The following DENND5B variants were observed in gnomAD, a reference collection of about 807,000 sequenced individuals.
The protein encoded by DENND5B is DENN domain-containing protein 5B.
DENND5B carries 34 observed loss-of-function variants against 140.6 expected under a neutral mutation model. The observed-to-expected ratio is 0.24, with a 90% CI of 0.18 to 0.32. The LOEUF is 0.32. Among genes scored for constraint, DENND5B ranks in the 10% least tolerant of loss-of-function variants. The pLI, the probability that DENND5B is intolerant of heterozygous loss-of-function variation, is 1.00. For missense variants in DENND5B, 1,142 were observed against 1,560.2 expected (o/e 0.73, Z 4.52); for synonymous variants, 551 against 562.1 (o/e 0.98, Z 0.28).
At chr12:31,435,530 C>A (rs546992560) in intron 7 of DENND5B, among the ~76,000 whole-genome samples, 1 of 152,254 alleles carries the variant, frequency 6.6e-6, no homozygotes, top group East Asian at 1.9e-4. Flanking sequence ...ATGTTAACAT[C>A]TGTTTCTTCA....
intron 1 of DENND5B, among the ~76,000 whole-genome samples, chr12:31,516,334 G>C (rs976582214): frequency 1.3e-4 from 19 of 151,906 alleles, no homozygotes; most frequent in African/African-American, 4.4e-4. Flanking sequence ...AAATTAGACA[G>C]CTGTGGTGGT....
chr12:31,526,803 G>A (rs1948100452), intron 1 of DENND5B, among the ~76,000 whole-genome samples: 1 of 152,204 alleles, frequency 6.6e-6, no homozygotes, highest in Non-Finnish European at 1.5e-5. Context: ...TGGAGAAACT[G>A]GGTGAAGGGT....
chr12:31,514,728 A>G (rs1947558459), intron 1 of DENND5B, among the ~76,000 whole-genome samples: 1 of 152,010 alleles, frequency 6.6e-6, no homozygotes, highest in African/African-American at 2.4e-5. Flanking sequence ...AGGGCAGGAG[A>G]ATCACTTGAA....
intron 1 of DENND5B, among the ~76,000 whole-genome samples, chr12:31,583,488 C>T (rs527382511): frequency 4.6e-5 from 7 of 151,340 alleles, no homozygotes; most frequent in African/African-American, 1.7e-4. Context: ...ACCAGCCTGG[C>T]CAACATGATG....
chr12:31,512,103 G>T (rs1947443965), intron 1 of DENND5B, among the ~76,000 whole-genome samples: 1 of 151,572 alleles, frequency 6.6e-6, no homozygotes, highest in Non-Finnish European at 1.5e-5. Flanking sequence ...TTTTAGTAGA[G>T]ACGGGGTTTC....
chr12:31,546,437 A>G (rs1181955000), intron 1 of DENND5B, among the ~76,000 whole-genome samples: 1 of 152,156 alleles, frequency 6.6e-6, no homozygotes, highest in African/African-American at 2.4e-5. Context: ...CTGTAATCCC[A>G]GCACTCTGGA....
chr12:31,481,187 T>C (rs1421431007), intron 2 of DENND5B, among the ~76,000 whole-genome samples: 1 of 152,228 alleles, frequency 6.6e-6, no homozygotes, highest in African/African-American at 2.4e-5. Flanking sequence ...TAACCATATA[T>C]TATTACTATT....
At chr12:31,572,298 C>T (rs1949853240) in intron 1 of DENND5B, among the ~76,000 whole-genome samples, 1 of 151,924 alleles carries the variant, frequency 6.6e-6, no homozygotes, top group Admixed American at 6.6e-5. Context: ...TTTTATTTAC[C>T]CTCACTCATT....
chr12:31,537,211 C>G (rs1948531624), intron 1 of DENND5B, among the ~76,000 whole-genome samples: 1 of 152,112 alleles, frequency 6.6e-6, no homozygotes, highest in Non-Finnish European at 1.5e-5. Context: ...GTAAATTACT[C>G]TTATTTTAAG....
chr12:31,402,620 T>A lies in DENND5B; in HGVS notation c.2827A>T (p.Ile943Phe), dbSNP rs767691910. ...TIMIPYRSVI[I>F]PIKKLSNAII... ...GCATTGCTCAGCTTTTTGATTGGGATGATCACTGACCTATACGGAATCACT... is the reference window on the plus strand; with the variant it reads ...GCATTGCTCAGCTTTTTGATTGGGAAGATCACTGACCTATACGGAATCACT... Residue 943 changes from isoleucine to phenylalanine, a missense_variant, in exon 15 of 21, where the codon ATC becomes TTC. Physicochemically the swap from Ile to Phe is conservative, Grantham distance 21 (BLOSUM62 0). Transcript: ENST00000389082. 4 of 1,613,720 alleles carry A rather than the reference T, an allele frequency of 2.5e-6. No homozygotes were observed. Among genetic ancestry groups the A allele is most frequent in the Non-Finnish European group, 3.4e-6 (4 of 1,179,760 alleles).
intron 1 of DENND5B, among the ~76,000 whole-genome samples, chr12:31,503,115 G>A (rs1333734192): frequency 1.3e-5 from 2 of 152,200 alleles, no homozygotes; most frequent in Non-Finnish European, 2.9e-5. Context: ...AAGAATTCAA[G>A]AAGGAGACCT....
intron 1 of DENND5B, among the ~76,000 whole-genome samples, chr12:31,589,009 A>G (rs1229837438): frequency 6.6e-6 from 1 of 152,232 alleles, no homozygotes; most frequent in Non-Finnish European, 1.5e-5. Flanking sequence ...AGTCTAATTG[A>G]TGGTTTTGTT....
intron 1 of DENND5B, among the ~76,000 whole-genome samples, chr12:31,549,802 G>A (rs907121310): frequency 8.6e-5 from 13 of 152,012 alleles, no homozygotes; most frequent in African/African-American, 3.1e-4. Flanking sequence ...TGCAGTGTTT[G>A]GTTTTCTGCT....
chr12:31,451,032 C>T (rs947214404), intron 5 of DENND5B, among the ~76,000 whole-genome samples: 7 of 152,216 alleles, frequency 4.6e-5, no homozygotes, highest in Non-Finnish European at 8.8e-5. Flanking sequence ...CACTTACAGC[C>T]ATAAAACTTA....
rs538506643 is a variant in DENND5B at position 31,417,059 on chromosome 12, GA to G, written c.2471-1612del. ...TGGGCAACAGAATGAGACTGTCTCT[GA>G]AAAAAAAAAAAAAAGGCCAGGCGCT... On this transcript the variant is annotated intron_variant, in intron 11 of 20. Transcript: ENST00000389082. Among the ~76,000 whole-genome samples, 120 of 97,050 alleles carry G rather than the reference GA, an allele frequency of 1.2e-3. 1 individual carries two copies. The East Asian group carries it at 0.017, about 14-fold the overall frequency. The allele number at this position is 97,050 out of a possible 152,430, so 63.7% of individuals were successfully genotyped here.
intron 1 of DENND5B, among the ~76,000 whole-genome samples, chr12:31,574,353 GC>G (rs1949937874): frequency 1.3e-5 from 2 of 151,200 alleles, no homozygotes; most frequent in African/African-American, 4.9e-5. Context: ...ACTTTGGGAG[GC>G]CAAGGCGGGT....
intron 14 of DENND5B, among the ~76,000 whole-genome samples, chr12:31,408,177 A>G (rs569941355): frequency 6.6e-6 from 1 of 151,366 alleles, no homozygotes; most frequent in East Asian, 2.0e-4. Flanking sequence ...ATGCCTATAT[A>G]CAGATGTGTG....
intron 1 of DENND5B, among the ~76,000 whole-genome samples, chr12:31,526,535 AAAT>A (rs1438673565): frequency 6.6e-6 from 1 of 152,222 alleles, no homozygotes; most frequent in Non-Finnish European, 1.5e-5. Context: ...AGGCATAAAT[AAAT>A]AAAAGAAATA....
At chr12:31,433,432 T>C (rs896499907) in intron 7 of DENND5B, among the ~76,000 whole-genome samples, 184 bp from the exon 8 acceptor site, 4 of 151,838 alleles carry the variant, frequency 2.6e-5, no homozygotes, top group African/African-American at 9.7e-5. Context: ...AACCAAACGG[T>C]TTTTAGTATC....
Sources: allele counts gnomAD v4.1 joint callset (sites outside exome capture counted in the v4.1 genomes callset), GRCh38; gene constraint gnomAD v4.1.1; transcripts MANE v1.5; gene names NCBI Gene and HGNC (gene_info 2026-07-23, HGNC 2026-07-21).